The following SGK2 variants were observed in gnomAD, a reference collection of about 807,000 sequenced individuals.
SGK2 encodes the protein serum/glucocorticoid regulated kinase 2.
SGK2 carries 36 observed loss-of-function variants against 47.5 expected under a neutral mutation model. The ratio of observed to expected loss-of-function variants is 0.76; its 90% CI spans 0.58 to 1.00. The LOEUF (loss-of-function observed/expected upper bound fraction) is 1.00. Ranked by LOEUF, SGK2 falls within the 50% of genes least tolerant of loss-of-function variation. The pLI is 0.00. For synonymous variants in SGK2, 157 were observed against 181.9 expected, an observed-to-expected ratio of 0.86 and a Z score of 1.10; for missense variants, 404 against 467.4, an observed-to-expected ratio of 0.86 and a Z score of 1.25.
intron 1 of SGK2, among the ~76,000 whole-genome samples, chr20:43,561,105 C>T (rs1312894004): frequency 2.0e-5 from 3 of 152,104 alleles, no homozygotes; most frequent in Non-Finnish European, 4.4e-5. Context: ...ACTTGTCACC[C>T]GTAATCAGTA....
At chr20:43,569,563 G>T (rs760990200) in intron 6 of SGK2, 47 bp downstream of exon 6, 1 of 1,602,742 alleles carries the variant, frequency 6.2e-7, no homozygotes, top group Non-Finnish European at 8.5e-7. Context: ...TCTCGGCTGG[G>T]AGCTGTCCAT....
intron 11 of SGK2, among the ~76,000 whole-genome samples, chr20:43,577,648 C>CT (rs746290613): frequency 0.012 from 1,641 of 131,480 alleles, 20 homozygotes; most frequent in African/African-American, 0.033. Flanking sequence ...CATGCTTGGC[C>CT]TTTTTTTTTT....
At chr20:43,581,348 A>G (rs1980787188) in intron 12 of SGK2, among the ~76,000 whole-genome samples, 1 of 152,120 alleles carries the variant, frequency 6.6e-6, no homozygotes, top group African/African-American at 2.4e-5. Flanking sequence ...TAATATTTCC[A>G]TCTTATGTTG....
At position 43,576,364 on chromosome 20, in the gene SGK2, C is replaced by T; in HGVS notation, c.834C>T (p.Gly278=). The part of the protein sequence containing the change: ...LLHKDQRQRL[G]SKADFLEIKN... The stretch of plus-strand genomic sequence containing the variant: ...ACAAGGACCAGAGGCAGCGGCTGGG[C>T]TCCAAAGCAGACTTTGTAGGTGACC... Residue 278 remains glycine, a synonymous_variant, in exon 11 of 13, where the codon GGC becomes GGT. Transcript: ENST00000373100. The T allele has an allele frequency of 1.2e-6, 2 of 1,614,084 alleles. No individual in the cohort carries two copies. The highest frequency in any genetic ancestry group is 1.7e-6 in the Non-Finnish European group (2 of 1,179,968).
intron 1 of SGK2, among the ~76,000 whole-genome samples, chr20:43,561,463 C>T (rs1311253164): frequency 6.8e-6 from 1 of 147,388 alleles, no homozygotes; most frequent in South Asian, 2.2e-4. Context: ...GATCTCAGCT[C>T]ACTGCAACCT....
At chr20:43,575,154 A>C in intron 10 of SGK2, 150 bp downstream of exon 10, 1 of 597,796 alleles carries the variant, frequency 1.7e-6, no homozygotes, top group South Asian at 2.0e-5. Flanking sequence ...TATGCAAATT[A>C]TTATTTTTTT....
chr20:43,562,945 C>G (rs1181889496), intron 1 of SGK2, among the ~76,000 whole-genome samples: 1 of 151,910 alleles, frequency 6.6e-6, no homozygotes, highest in Admixed American at 6.6e-5. Flanking sequence ...CCAGCCTGGC[C>G]AACATGGCGA....
chr20:43,583,456 A>C, intron 12 of SGK2: 1 of 1,182,178 alleles, frequency 8.5e-7, no homozygotes, highest in Non-Finnish European at 1.1e-6. Context: ...TGGAACTCTG[A>C]GTGCTGGGCT....
intron 1 of SGK2, among the ~76,000 whole-genome samples, chr20:43,560,356 G>A (rs796467586): frequency 4.6e-5 from 7 of 152,112 alleles, no homozygotes; most frequent in African/African-American, 1.4e-4. Flanking sequence ...AAAATTAGCC[G>A]AGCGTCGTGA....
At chr20:43,562,241 C>T (rs1979433110) in intron 1 of SGK2, among the ~76,000 whole-genome samples, 2 of 151,016 alleles carry the variant, frequency 1.3e-5, no homozygotes, top group Admixed American at 6.6e-5. Flanking sequence ...TAGTGAAACC[C>T]TGTCTCTACA....
In SGK2 at chr20:43,570,659, C is replaced by T. The variant is rs141249005; in HGVS notation, c.403C>T (p.Arg135Trp). 1.1e-5 allele frequency: 18 copies of T among 1,612,198 alleles called. No individual in the cohort carries two copies. The highest frequency in any genetic ancestry group is 5.0e-5 in the Admixed American group (3 of 59,892). Residue 135 changes from arginine (R) to tryptophan (W), a missense_variant, in exon 7 of 13, where the codon CGG (arginine) becomes TGG (tryptophan). By Grantham distance (101) the Arg-to-Trp change is moderately radical. Coordinates refer to ENST00000373100, the MANE Select transcript of SGK2 (RefSeq NM_170693.3). The part of the protein sequence containing the change: ...LQRERRFLEP[R>W]ARFYAAEVAS... ...GCGGGAGCGCCGGTTCCTGGAGCCCCGGGCCAGGTTCTACGCTGCTGAGGT... is the reference window on the plus strand; with the variant it reads ...GCGGGAGCGCCGGTTCCTGGAGCCCTGGGCCAGGTTCTACGCTGCTGAGGT...
intron 6 of SGK2, chr20:43,569,787 G>T (rs1021686023): frequency 7.1e-6 from 3 of 424,738 alleles, no homozygotes; most frequent in African/African-American, 2.0e-5. Flanking sequence ...GCCCATAGAC[G>T]CACTTTGATA....
intron 3 of SGK2, among the ~76,000 whole-genome samples, chr20:43,567,400 G>C (rs563866430): frequency 6.6e-6 from 1 of 152,300 alleles, no homozygotes; most frequent in African/African-American, 2.4e-5. Context: ...TTCTATGCAG[G>C]CCTTCTGTGC....
At chr20:43,561,954 G>A (rs1194994396) in intron 1 of SGK2, among the ~76,000 whole-genome samples, 4 of 152,180 alleles carry the variant, frequency 2.6e-5, no homozygotes, top group African/African-American at 7.2e-5. Flanking sequence ...TCATGATGGA[G>A]TGGAGGCGGA....
rs1390401315 is a variant in SGK2, at chr20:43,585,409, T to TA, written c.*394dup. On this transcript the variant is annotated 3_prime_UTR_variant, in exon 13 of 13. Coordinates refer to ENST00000373100, the MANE Select transcript of SGK2 (RefSeq NM_170693.3). Reference sequence around the variant, plus strand: ...TTCCATCTCACTAACCACCCACCCCTACCTGGAATGGAGGCTGGGAGATGT... The same window carrying TA: ...TTCCATCTCACTAACCACCCACCCCTAACCTGGAATGGAGGCTGGGAGATGT... The TA allele has an allele frequency of 2.4e-5, 4 of 164,034 alleles. No homozygotes were observed. The highest frequency in any genetic ancestry group is 4.0e-5 in the Non-Finnish European group (3 of 74,546). The allele number at this position is 164,034 out of a possible 1,614,324, so 10.2% of individuals were successfully genotyped here. A position where few individuals can be genotyped will look rare whatever the true frequency, so the allele number is the denominator to read the frequency against.
chr20:43,582,539 C>T (rs150494674), intron 12 of SGK2, among the ~76,000 whole-genome samples: 1,971 of 151,394 alleles, frequency 0.013, 19 homozygotes, highest in Non-Finnish European at 0.018. Flanking sequence ...AGGCATATGC[C>T]ACCACACCTG....
At chr20:43,581,065 T>C (rs569390383) in intron 12 of SGK2, among the ~76,000 whole-genome samples, 7 of 152,046 alleles carry the variant, frequency 4.6e-5, no homozygotes, top group Non-Finnish European at 1.0e-4. Context: ...TTAGCAGAGA[T>C]GGGGTTTCAC....
At chr20:43,562,451 G>C (rs1979447070) in intron 1 of SGK2, among the ~76,000 whole-genome samples, 1 of 142,924 alleles carries the variant, frequency 7.0e-6, no homozygotes, top group Non-Finnish European at 1.5e-5. Flanking sequence ...AAAAGATTGA[G>C]ATGCTTTGGC....
intron 1 of SGK2, among the ~76,000 whole-genome samples, chr20:43,563,951 C>T (rs1979530568): frequency 6.6e-6 from 1 of 152,226 alleles, no homozygotes; most frequent in Non-Finnish European, 1.5e-5. Context: ...GGCCCCTGGG[C>T]TCAGTTCCCT....
Sources: allele counts gnomAD v4.1 joint callset (sites outside exome capture counted in the v4.1 genomes callset), GRCh38; gene constraint gnomAD v4.1.1; transcripts MANE v1.5; gene names NCBI Gene and HGNC (gene_info 2026-07-23, HGNC 2026-07-21).